The following ADAMTSL1 variants were observed in gnomAD, a reference collection of about 807,000 sequenced individuals.
ADAMTSL1 encodes ADAMTS-like protein 1.
A neutral mutation model predicts 201.8 loss-of-function variants in ADAMTSL1; 126 were observed. The observed-to-expected ratio is 0.62, with a 90% CI of 0.54 to 0.72. The LOEUF is 0.72. Among genes scored for constraint, ADAMTSL1 ranks in the 30% least tolerant of loss-of-function variants. The pLI, the probability that ADAMTSL1 is intolerant of heterozygous loss-of-function variation, is 0.00. For missense variants in ADAMTSL1, 2,679 were observed against 2,277.8 expected (o/e 1.18, Z -3.59); for synonymous variants, 1,121 against 903.4 (o/e 1.24, Z -4.32).
chr9:18,554,356 T>A (rs1758059052), intron 3 of ADAMTSL1, among the ~76,000 whole-genome samples: 1 of 151,860 alleles, frequency 6.6e-6, no homozygotes, highest in Non-Finnish European at 1.5e-5. Flanking sequence ...TGTTTCCTCA[T>A]GTTTTATGTT....
At chr9:18,608,963 G>T (rs537302574) in intron 4 of ADAMTSL1, among the ~76,000 whole-genome samples, 18 of 152,256 alleles carry the variant, frequency 1.2e-4, no homozygotes, top group Non-Finnish European at 1.8e-4. Flanking sequence ...CTTATACTAA[G>T]ATGGGTTGCT....
chr9:18,509,056 C>T lies in ADAMTSL1; in HGVS notation c.191+4100C>T, dbSNP rs952324570. The stretch of plus-strand genomic sequence containing the variant: ...AAAATTAGCCGGGCGCGGTGGCGGG[C>T]GCCTGTAGTCCCAGCTACTCGGGAG... On this transcript the variant is annotated intron_variant, in intron 2 of 28. Transcript: ENST00000380548. Among the ~76,000 whole-genome samples, 14 of 130,168 alleles carry T rather than the reference C, an allele frequency of 1.1e-4. 1 individual carries two copies. The highest frequency in any genetic ancestry group is 1.5e-4 in the Non-Finnish European group (9 of 61,294). 85.4% of individuals were successfully genotyped at this position (130,168 alleles called of 152,430 possible).
At chr9:18,828,649 TG>T (rs1308994041) in intron 22 of ADAMTSL1, among the ~76,000 whole-genome samples, 44 of 24,038 alleles carry the variant, frequency 1.8e-3, no homozygotes, top group Non-Finnish European at 3.1e-3. Flanking sequence ...AGGATTCTTT[TG>T]AAAGTATATT....
intron 2 of ADAMTSL1, among the ~76,000 whole-genome samples, chr9:18,516,105 A>G (rs1306198272): frequency 2.5e-4 from 38 of 151,808 alleles, no homozygotes. Context: ...AAAAAAAGAA[A>G]GAAAAAGAAA....
intron 3 of ADAMTSL1, among the ~76,000 whole-genome samples, chr9:18,559,067 C>A (rs1003300150): frequency 3.3e-5 from 5 of 152,120 alleles, no homozygotes; most frequent in Admixed American, 1.3e-4. Context: ...GTGTTTTAGT[C>A]GTGAAGTCTT....
chr9:17,979,860 T>A (rs904914068), intron 1 of ADAMTSL1, among the ~76,000 whole-genome samples: 1 of 152,018 alleles, frequency 6.6e-6, no homozygotes, highest in Non-Finnish European at 1.5e-5. Context: ...ACTGCCAGAG[T>A]CCTTGGGTAG....
At chr9:18,446,213 G>A (rs1490646396) in intron 2 of ADAMTSL1, among the ~76,000 whole-genome samples, 1 of 152,110 alleles carries the variant, frequency 6.6e-6, no homozygotes, top group African/African-American at 2.4e-5. Flanking sequence ...TAGGATTGAC[G>A]TTCCAGAAAC....
chr9:18,691,905 G>C (rs1831243857), intron 13 of ADAMTSL1, among the ~76,000 whole-genome samples: 3 of 152,138 alleles, frequency 2.0e-5, no homozygotes. Flanking sequence ...GCCTTTTCTA[G>C]CATCATTCAT....
At chr9:18,611,763 A>G (rs1219095381) in intron 4 of ADAMTSL1, among the ~76,000 whole-genome samples, 2 of 152,224 alleles carry the variant, frequency 1.3e-5, no homozygotes, top group African/African-American at 4.8e-5. Context: ...AATAAAGGAC[A>G]GAAATAGGAC....
At chr9:18,729,589 G>A (rs910367378) in intron 15 of ADAMTSL1, among the ~76,000 whole-genome samples, 7 of 152,208 alleles carry the variant, frequency 4.6e-5, no homozygotes, top group Middle Eastern at 3.4e-3. Flanking sequence ...ATAATGTTAC[G>A]CTGCCCTTTA....
At chr9:18,304,911 T>C (rs1227089382) in intron 2 of ADAMTSL1, among the ~76,000 whole-genome samples, 3 of 152,138 alleles carry the variant, frequency 2.0e-5, no homozygotes, top group Non-Finnish European at 4.4e-5. Context: ...TGTACGTTCC[T>C]GGGCAAGATG....
intron 3 of ADAMTSL1, among the ~76,000 whole-genome samples, chr9:18,562,400 T>C (rs764042899): frequency 6.6e-6 from 1 of 152,262 alleles, no homozygotes. Flanking sequence ...GTTAGACTGA[T>C]GGGCTTCCCT....
rs546046507 is a variant in ADAMTSL1, at chr9:18,019,864, C to G, written c.87+112942C>G. ...AGAGTCCAAAGCCTGGAGGGCATAG[C>G]TGAGAGTAGTGGAGAATTATTCTTA... On this transcript the variant is annotated intron_variant, in intron 1 of 29. Transcript: ENST00000680146. Among the ~76,000 whole-genome samples the G allele has an allele frequency of 6.6e-5, 10 of 152,146 alleles. 1 individual carries two copies. The highest frequency in any genetic ancestry group is 2.4e-4 in the African/African-American group (10 of 41,556).
chr9:18,847,184 A>G (rs1826173812), intron 23 of ADAMTSL1, among the ~76,000 whole-genome samples: 1 of 152,192 alleles, frequency 6.6e-6, no homozygotes. Context: ...GAAAAGCTCT[A>G]TAGGCTGCAC....
intron 2 of ADAMTSL1, among the ~76,000 whole-genome samples, chr9:18,170,367 T>C (rs1471554338): frequency 6.6e-6 from 1 of 152,058 alleles, no homozygotes; most frequent in Admixed American, 6.6e-5. Flanking sequence ...CAACCTGAGG[T>C]AGGAAATAAA....
chr9:18,425,641 G>T (rs1819177803), intron 2 of ADAMTSL1, among the ~76,000 whole-genome samples: 1 of 152,048 alleles, frequency 6.6e-6, no homozygotes, highest in South Asian at 2.1e-4. Flanking sequence ...GATGGCTTGA[G>T]GCCAGGAGTT....
At position 18,213,740 on chromosome 9, in the gene ADAMTSL1, T is replaced by A. The variant is rs555121310; in HGVS notation, c.207+49759T>A. Among the ~76,000 whole-genome samples, 6 of 152,178 alleles carry A rather than the reference T, an allele frequency of 3.9e-5. No individual in the cohort carries two copies. The South Asian group carries it at 1.2e-3, about 32-fold the overall frequency. On this transcript the variant is annotated intron_variant, in intron 2 of 29. Transcript: ENST00000680146. ...ATCTGAGACAGAATCTGAGTCCAAA[T>A]AATTTTTTTTTGTCCTTGAGACAGA...
intron 1 of ADAMTSL1, among the ~76,000 whole-genome samples, chr9:17,999,456 C>G (rs551203254): frequency 6.6e-6 from 1 of 151,976 alleles, no homozygotes; most frequent in South Asian, 2.1e-4. Flanking sequence ...TTTTGTTGGT[C>G]ATTGTAGATT....
intron 3 of ADAMTSL1, chr9:18,573,246 C>T (rs1403267069): frequency 6.5e-6 from 1 of 154,548 alleles, no homozygotes; most frequent in Non-Finnish European, 1.5e-5. Context: ...TCAGTATATT[C>T]CTTGTGCATA....
Sources: gnomAD v4.1 joint callset for allele counts (sites outside exome capture counted in the v4.1 genomes callset) on GRCh38, gnomAD v4.1.1 for gene constraint, MANE v1.5 for transcripts, NCBI Gene and HGNC (gene_info 2026-07-23, HGNC 2026-07-21) for gene names.